Variants in IPO11 observed in about 807,000 individuals in gnomAD.
The protein encoded by IPO11 is importin 11, also known as importin-11.
In IPO11, 66 loss-of-function variants were observed where a neutral mutation model predicts 143.2. The ratio of observed to expected loss-of-function variants is 0.46; its 90% CI spans 0.38 to 0.57. IPO11 has a LOEUF of 0.57. Ranked by LOEUF, IPO11 falls within the 20% of genes least tolerant of loss-of-function variation. The pLI is 0.00. For synonymous variants in IPO11, 385 were observed against 377.8 expected, an observed-to-expected ratio of 1.02 and a Z score of -0.22; for missense variants, 1,026 against 1,141.0, an observed-to-expected ratio of 0.90 and a Z score of 1.45.
At chr5:62,498,696 C>G (rs747233738) in intron 16 of IPO11, among the ~76,000 whole-genome samples, 1 of 152,108 alleles carries the variant, frequency 6.6e-6, no homozygotes, top group Non-Finnish European at 1.5e-5. Flanking sequence ...ATGGGGAAAC[C>G]CCATCTCCAC....
intron 12 of IPO11, among the ~76,000 whole-genome samples, chr5:62,485,878 T>G (rs955183619): frequency 2.0e-5 from 3 of 150,450 alleles, no homozygotes; most frequent in African/African-American, 7.3e-5. Context: ...AATTAAAGAT[T>G]CCCAACATTA....
chr5:62,503,393 T>TAATATATTAATAGTATCTAC (rs1741421446), intron 16 of IPO11, among the ~76,000 whole-genome samples: 4 of 124,182 alleles, frequency 3.2e-5, no homozygotes, highest in South Asian at 4.5e-4. Flanking sequence ...ATAGTATCTA[T>TAATATATTAATAGTATCTAC]TAATATATTA....
chr5:62,623,117 A>G (rs1252157860), intron 29 of IPO11, among the ~76,000 whole-genome samples: 3 of 152,246 alleles, frequency 2.0e-5, no homozygotes, highest in Non-Finnish European at 4.4e-5. Context: ...TCAGAAATTG[A>G]CAGTTATCTG....
chr5:62,497,447 G>T (rs1427532473), intron 16 of IPO11, among the ~76,000 whole-genome samples: 1 of 151,974 alleles, frequency 6.6e-6, no homozygotes, highest in Non-Finnish European at 1.5e-5. Context: ...TTAAGCAGAG[G>T]TTTTACATTT....
At chr5:62,551,456 A>G (rs1401129389) in intron 26 of IPO11, 120 bp downstream of exon 26, 1 of 546,606 alleles carries the variant, frequency 1.8e-6, no homozygotes, top group East Asian at 3.0e-5. Context: ...TTTACATTTT[A>G]AATCTTTATT....
intron 24 of IPO11, among the ~76,000 whole-genome samples, chr5:62,540,788 G>T (rs556174543): frequency 2.0e-5 from 3 of 152,154 alleles, no homozygotes; most frequent in African/African-American, 7.2e-5. Context: ...GCAATGCCAA[G>T]CATGTAATAA....
At chr5:62,569,333 A>G (rs757807253) in intron 27 of IPO11, among the ~76,000 whole-genome samples, 10 of 152,236 alleles carry the variant, frequency 6.6e-5, no homozygotes, top group Non-Finnish European at 1.5e-4. Context: ...TGCTAAAACC[A>G]GGTACTACGA....
At chr5:62,560,291 G>C (rs1460552161) in intron 26 of IPO11, among the ~76,000 whole-genome samples, 1 of 152,128 alleles carries the variant, frequency 6.6e-6, no homozygotes, top group Non-Finnish European at 1.5e-5. Context: ...TAAAGAATTG[G>C]CATACATAAT....
intron 26 of IPO11, among the ~76,000 whole-genome samples, chr5:62,553,687 C>T (rs1261717501): frequency 6.6e-6 from 1 of 151,132 alleles, no homozygotes; most frequent in Non-Finnish European, 1.5e-5. Context: ...GCCATTCTAA[C>T]TGGAGTGAGA....
chr5:62,467,537 C>G (rs1232843976), intron 6 of IPO11, among the ~76,000 whole-genome samples: 2 of 152,074 alleles, frequency 1.3e-5, no homozygotes, highest in Non-Finnish European at 2.9e-5. Context: ...TCAAATGCTT[C>G]TAGTTTTTGT....
intron 29 of IPO11, among the ~76,000 whole-genome samples, chr5:62,620,699 T>A (rs918447191): frequency 6.6e-6 from 1 of 152,172 alleles, no homozygotes; most frequent in Non-Finnish European, 1.5e-5. Context: ...AGTTTTATCA[T>A]GCAGATGAAG....
intron 27 of IPO11, among the ~76,000 whole-genome samples, chr5:62,586,769 ATATATATATATATAT>A (rs1407066890): frequency 2.5e-4 from 12 of 47,798 alleles, no homozygotes; most frequent in African/African-American, 1.2e-3. Flanking sequence ...AAAAAAAAAA[ATATATATATATATAT>A]ATATATATAT....
intron 2 of IPO11, among the ~76,000 whole-genome samples, chr5:62,440,519 C>T (rs988676855): frequency 6.6e-6 from 1 of 151,806 alleles, no homozygotes; most frequent in African/African-American, 2.4e-5. Flanking sequence ...CCATGCCTAG[C>T]TAATTTTTTG....
At chr5:62,428,380 G>A (rs1425390791) in intron 1 of IPO11, among the ~76,000 whole-genome samples, 11 of 152,082 alleles carry the variant, frequency 7.2e-5, no homozygotes. Context: ...GTCTCACTGT[G>A]TCGCCCAGGC....
rs187477339 is a variant in IPO11, at chr5:62,527,619, A to G, written c.2012+1362A>G. The stretch of plus-strand genomic sequence containing the variant: ...CTCAGAATTATCAGTATTACTGACA[A>G]TATATTAATGTGTTATTAAAAGTGT... On this transcript the variant is annotated intron_variant, in intron 21 of 29. Transcript: ENST00000325324. 1.1e-3 allele frequency among the ~76,000 whole-genome samples: 167 copies of G among 152,360 alleles called. 1 individual carries two copies. The highest frequency in any genetic ancestry group is 2.2e-3 in the African/African-American group (93 of 41,596).
chr5:62,546,992 G>A (rs1227772532), intron 24 of IPO11, among the ~76,000 whole-genome samples: 1 of 152,018 alleles, frequency 6.6e-6, no homozygotes, highest in African/African-American at 2.4e-5. Flanking sequence ...ACCATGTAGA[G>A]GTAAAGCATG....
chr5:62,443,296 AAAG>A (rs1744565841), intron 3 of IPO11: 1 of 442,174 alleles, frequency 2.3e-6, no homozygotes, highest in Non-Finnish European at 4.0e-6. Flanking sequence ...AAATGCAAAA[AAAG>A]TGTTTACTAC....
chr5:62,579,850 T>C (rs1044468228), intron 27 of IPO11: 1 of 1,548,886 alleles, frequency 6.5e-7, no homozygotes, highest in South Asian at 1.2e-5. Flanking sequence ...TCGTAATTTA[T>C]ATTTACAGTA....
intron 20 of IPO11, 116 bp downstream of exon 20, chr5:62,515,617 T>A (rs1295580005): frequency 6.7e-6 from 4 of 597,560 alleles, no homozygotes; most frequent in African/African-American, 1.9e-5. Context: ...ACTTCACATA[T>A]CTTTTATTTT....
Sources: gnomAD v4.1 joint callset for allele counts (sites outside exome capture counted in the v4.1 genomes callset) on GRCh38, gnomAD v4.1.1 for gene constraint, MANE v1.5 for transcripts, NCBI Gene and HGNC (gene_info 2026-07-23, HGNC 2026-07-21) for gene names.